Variants in SHQ1 observed in about 807,000 individuals in gnomAD.
SHQ1 encodes the protein SHQ1, H/ACA ribonucleoprotein assembly factor.
SHQ1 carries 49 observed loss-of-function variants against 53.8 expected under a neutral mutation model. The observed-to-expected ratio is 0.91, with a 90% CI of 0.72 to 1.16. SHQ1 has a LOEUF of 1.16. Among genes scored for constraint, SHQ1 ranks in the 50% most tolerant of loss-of-function variants. The pLI, the probability that SHQ1 is intolerant of heterozygous loss-of-function variation, is 0.00. For missense variants in SHQ1, 738 were observed against 683.1 expected, an observed-to-expected ratio of 1.08 and a Z score of -0.90; for synonymous variants, 243 against 251.0, an observed-to-expected ratio of 0.97 and a Z score of 0.30.
intron 9 of SHQ1, among the ~76,000 whole-genome samples, chr3:72,795,972 G>A (rs1706601194): frequency 6.6e-6 from 1 of 151,734 alleles, no homozygotes; most frequent in Non-Finnish European, 1.5e-5. Context: ...GCGTGGTAGT[G>A]CACGCCTGTA....
chr3:72,752,870 G>A (rs1306758919), intron 10 of SHQ1: 1 of 473,792 alleles, frequency 2.1e-6, no homozygotes, highest in African/African-American at 2.1e-5. Flanking sequence ...TCACCATGTT[G>A]GCCGAGATGG....
intron 4 of SHQ1, among the ~76,000 whole-genome samples, chr3:72,833,503 CAGACAG>C (rs1707897461): frequency 4.0e-5 from 1 of 25,000 alleles, no homozygotes; most frequent in African/African-American, 9.1e-5. Context: ...GATAGATAGA[CAGACAG>C]ACAGACAGAT....
intron 10 of SHQ1, among the ~76,000 whole-genome samples, chr3:72,770,963 T>C (rs1261628513): frequency 6.6e-6 from 1 of 152,192 alleles, no homozygotes; most frequent in Non-Finnish European, 1.5e-5. Flanking sequence ...TAACAAAACA[T>C]ATAACAATCT....
Position 72,771,703 on chromosome 3 carries a change from G to C in SHQ1, c.1182-20867C>G, listed in dbSNP as rs73841405. Among the ~76,000 whole-genome samples the C allele has an allele frequency of 9.6e-3, 1,464 of 152,308 alleles. 14 individuals carry two copies. Among genetic ancestry groups the C allele is most frequent in the African/African-American group, 0.033 (1,367 of 41,568 alleles). The stretch of plus-strand genomic sequence containing the variant: ...CCAAAAAGAGACCAAGATGGACAAA[G>C]GTTGGAAATTTGGACCTATAAGAAT... On this transcript the variant is annotated intron_variant, in intron 10 of 10. Coordinates refer to ENST00000325599, the MANE Select transcript of SHQ1 (RefSeq NM_018130.3).
intron 10 of SHQ1, among the ~76,000 whole-genome samples, chr3:72,780,089 A>T (rs951377512): frequency 3.9e-5 from 6 of 152,176 alleles, no homozygotes; most frequent in African/African-American, 1.4e-4. Flanking sequence ...AAAAATATTT[A>T]ATTTTTTAAA....
At chr3:72,759,829 A>G (rs1170496458) in intron 10 of SHQ1, among the ~76,000 whole-genome samples, 1 of 152,274 alleles carries the variant, frequency 6.6e-6, no homozygotes, top group Admixed American at 6.5e-5. Context: ...CAAAAACAGC[A>G]AAGAATGAAC....
intron 1 of SHQ1, among the ~76,000 whole-genome samples, chr3:72,847,742 G>C (rs1372348033): frequency 6.6e-6 from 1 of 152,136 alleles, no homozygotes; most frequent in East Asian, 1.9e-4. Flanking sequence ...GGAGCGGACA[G>C]ACAAGAGATA....
chr3:72,844,302 T>C (rs1708265252), intron 2 of SHQ1, 57 bp downstream of exon 2: 1 of 1,388,186 alleles, frequency 7.2e-7, no homozygotes, highest in Non-Finnish European at 1.0e-6. Flanking sequence ...AAGATTATTA[T>C]GTAAATAATG....
chr3:72,806,104 A>C (rs1706936730), intron 9 of SHQ1, among the ~76,000 whole-genome samples: 1 of 152,218 alleles, frequency 6.6e-6, no homozygotes, highest in African/African-American at 2.4e-5. Context: ...CTGAGGTTAA[A>C]TAATACATAT....
At chr3:72,824,602 A>T in intron 5 of SHQ1, 51 bp from the exon 6 acceptor site, 1 of 1,556,200 alleles carries the variant, frequency 6.4e-7, no homozygotes, top group Non-Finnish European at 8.6e-7. Flanking sequence ...ACTGGCTTTT[A>T]CTTTTTAACA....
At chr3:72,772,989 T>C (rs1705887567) in intron 10 of SHQ1, 11 of 1,149,662 alleles carry the variant, frequency 9.6e-6, no homozygotes, top group Admixed American at 1.8e-5. Context: ...ATGAAGAAGA[T>C]ACTCAAAGTT....
At chr3:72,744,932 G>A (rs1705231829), downstream of SHQ1, among the ~76,000 whole-genome samples, 1 of 144,796 alleles carries the variant, frequency 6.9e-6, no homozygotes, top group Admixed American at 7.0e-5. Context: ...TTGGGGGGGG[G>A]GGGTGGTTTC....
At chr3:72,753,735 C>A (rs548749120) in intron 10 of SHQ1, 2 of 630,254 alleles carry the variant, frequency 3.2e-6, no homozygotes, top group Non-Finnish European at 4.0e-6. Flanking sequence ...AGCATTATAA[C>A]CCCTGGCTAA....
At chr3:72,768,493 G>A (rs1705780302) in intron 10 of SHQ1, among the ~76,000 whole-genome samples, 1 of 152,190 alleles carries the variant, frequency 6.6e-6, no homozygotes, top group African/African-American at 2.4e-5. Context: ...GGTTTTACAG[G>A]TTTTTACTAA....
At chr3:72,843,481 T>C (rs1708239507) in intron 2 of SHQ1, among the ~76,000 whole-genome samples, 1 of 152,232 alleles carries the variant, frequency 6.6e-6, no homozygotes, top group Non-Finnish European at 1.5e-5. Flanking sequence ...TACTACATTA[T>C]TTAGCACTTT....
chr3:72,830,369 T>A (rs1559694501), intron 5 of SHQ1, among the ~76,000 whole-genome samples: 1 of 151,996 alleles, frequency 6.6e-6, no homozygotes, highest in Non-Finnish European at 1.5e-5. Context: ...ATTATGCTAA[T>A]CTTATATACA....
Position 72,848,422 on chromosome 3 carries a change from G to A in SHQ1, c.-82C>T, listed in dbSNP as rs1420265720. ...CCACGCAAACTCTCCAACTCCCCAC[G>A]CGCAGGAACTCTCGGTGTGAGGGAC... On this transcript the variant is annotated 5_prime_UTR_variant, in exon 1 of 11. Transcript: ENST00000325599. The A allele has an allele frequency of 5.7e-6, 9 of 1,566,142 alleles. No individual in the cohort carries two copies. In the East Asian group the frequency reaches 2.1e-4, roughly 36 times the overall value.
chr3:72,782,585 T>C (rs1706101362), intron 10 of SHQ1, among the ~76,000 whole-genome samples: 2 of 152,340 alleles, frequency 1.3e-5, no homozygotes, highest in South Asian at 4.1e-4. Flanking sequence ...ATGCTGGGAA[T>C]GTAATTAATC....
chr3:72,763,339 A>T (rs989710768), intron 10 of SHQ1, among the ~76,000 whole-genome samples: 1 of 152,190 alleles, frequency 6.6e-6, no homozygotes, highest in African/African-American at 2.4e-5. Context: ...AAAAAAGGGC[A>T]AATAGTGTTG....
Sources: gnomAD v4.1 joint callset for allele counts (sites outside exome capture counted in the v4.1 genomes callset) on GRCh38, gnomAD v4.1.1 for gene constraint, MANE v1.5 for transcripts, NCBI Gene and HGNC (gene_info 2026-07-23, HGNC 2026-07-21) for gene names.